WNK3: variants seen among roughly 807,000 people sequenced by gnomAD.
The protein encoded by WNK3 is WNK lysine deficient protein kinase 3.
In WNK3, 18 loss-of-function variants were observed where a neutral mutation model predicts 116.7. The observed-to-expected ratio is 0.15, with a 90% confidence interval of 0.11 to 0.23. The LOEUF is 0.23. Ranked by LOEUF, WNK3 falls within the 10% of genes least tolerant of loss-of-function variation. The pLI is 1.00. For missense variants in WNK3, 993 were observed against 1,323.8 expected (o/e 0.75, Z 3.88); for synonymous variants, 404 against 469.4 (o/e 0.86, Z 1.80).
intron 15 of WNK3, among the ~76,000 whole-genome samples, chrX:54,250,967 G>A (rs1472422241): frequency 1.8e-5 from 2 of 111,458 alleles, no homozygotes; most frequent in African/African-American, 3.3e-5. Context: ...AGTGACCAGC[G>A]CAAGTAGAAG....
chrX:54,264,016 C>T (rs1385915941), intron 10 of WNK3, among the ~76,000 whole-genome samples: 1 of 106,560 alleles, frequency 9.4e-6, no homozygotes, highest in Non-Finnish European at 1.9e-5. Flanking sequence ...CAGGCATGTG[C>T]CACCACACCT....
chrX:54,246,825 G>A (rs1203081618), intron 17 of WNK3, among the ~76,000 whole-genome samples: 1 of 111,942 alleles, frequency 8.9e-6, no homozygotes, highest in Admixed American at 9.6e-5. Context: ...ATTGGATAGT[G>A]CAGATACAGA....
chrX:54,342,296 G>A (rs1280536518), intron 1 of WNK3, among the ~76,000 whole-genome samples: 8 of 109,104 alleles, frequency 7.3e-5, no homozygotes, highest in Non-Finnish European at 1.5e-4. Flanking sequence ...GCTGGGCGTG[G>A]TGGTACATGC....
chrX:54,301,094 T>G (rs1206910659), intron 6 of WNK3, among the ~76,000 whole-genome samples: 3 of 108,138 alleles, frequency 2.8e-5, no homozygotes, highest in African/African-American at 1.0e-4. Context: ...AATACAAAAA[T>G]TAGCCAGGTG....
chrX:54,224,251 C>A (rs1461476587), intron 22 of WNK3, among the ~76,000 whole-genome samples: 1 of 108,630 alleles, frequency 9.2e-6, no homozygotes, highest in Non-Finnish European at 1.9e-5. Flanking sequence ...ACTAGGGAGG[C>A]TGAGGCAGGA....
At position 54,355,588 on chromosome X, in the gene WNK3, G is replaced by A. The variant is rs782135819; in HGVS notation, c.-120+2098C>T. On this transcript the variant is annotated intron_variant, in intron 1 of 23. Coordinates refer to ENST00000354646, the Ensembl canonical transcript of WNK3. ...GAATGAGTTCAAATTCTAGGGGAGG[G>A]GGAGAGAGAGCATTCCAGGTAGAGG... is the stretch of plus-strand genomic sequence containing the variant. 1.2e-4 allele frequency among the ~76,000 whole-genome samples: 13 copies of A among 109,701 alleles called. No individual in the cohort carries two copies. In the South Asian group the frequency reaches 4.1e-3, roughly 34 times the overall value.
intron 2 of WNK3, among the ~76,000 whole-genome samples, chrX:54,323,725 A>C (rs1557172744): frequency 9.0e-6 from 1 of 111,227 alleles, no homozygotes; most frequent in East Asian, 2.8e-4. Context: ...TCATCATTTC[A>C]CGAACTCCAA....
At chrX:54,284,788 C>T (rs1169465365) in intron 10 of WNK3, among the ~76,000 whole-genome samples, 1 of 110,386 alleles carries the variant, frequency 9.1e-6, no homozygotes, top group Non-Finnish European at 1.9e-5. Context: ...CTGACCAACA[C>T]GGAGAAACCC....
chrX:54,303,785 A>T (rs1006297049), intron 5 of WNK3, among the ~76,000 whole-genome samples: 10 of 111,805 alleles, frequency 8.9e-5, no homozygotes, highest in South Asian at 3.7e-4. Context: ...AAAAATTTTT[A>T]AAAATTGACC....
exon 3 of WNK3, chrX:54,311,215 T>C: frequency 8.3e-7 from 1 of 1,201,312 alleles, no homozygotes; most frequent in Non-Finnish European, 1.1e-6. Flanking sequence ...TCGAACTATA[T>C]TGGGGTGCTG....
At chrX:54,215,822 C>T (rs937536486) in intron 22 of WNK3, among the ~76,000 whole-genome samples, 4 of 111,226 alleles carry the variant, frequency 3.6e-5, no homozygotes, top group African/African-American at 6.5e-5. Flanking sequence ...ATGACGATGG[C>T]GGTTTTGTCG....
At chrX:54,251,818 C>T (rs1422583104) in intron 13 of WNK3, 131 bp from the exon 14 acceptor site, 1 of 579,864 alleles carries the variant, frequency 1.7e-6, no homozygotes, top group Non-Finnish European at 2.5e-6. Context: ...GTAATCCCAG[C>T]ACTTTGGGAG....
At chrX:54,313,085 ATTTTCAG>A (rs1372583551) in intron 2 of WNK3, among the ~76,000 whole-genome samples, 7 of 109,198 alleles carry the variant, frequency 6.4e-5, no homozygotes, top group Admixed American at 5.0e-4. Context: ...TTTCATTTTC[ATTTTCAG>A]TTTTCAGTTT....
chrX:54,325,971 G>T (rs1303320687), intron 2 of WNK3, among the ~76,000 whole-genome samples: 1 of 110,759 alleles, frequency 9.0e-6, no homozygotes, highest in South Asian at 3.7e-4. Context: ...TAGCACTTAC[G>T]ACTTATAGCC....
At chrX:54,293,735 C>G (rs1412421106) in intron 8 of WNK3, among the ~76,000 whole-genome samples, 1 of 112,007 alleles carries the variant, frequency 8.9e-6, no homozygotes, top group Non-Finnish European at 1.9e-5. Flanking sequence ...AATACTGTGT[C>G]CTTCTGGAAA....
chrX:54,341,862 T>A (rs892117404), intron 1 of WNK3, among the ~76,000 whole-genome samples: 1 of 111,705 alleles, frequency 9.0e-6, no homozygotes, highest in African/African-American at 3.2e-5. Context: ...TAAAATTGAG[T>A]TGTAATCAAG....
intron 1 of WNK3, among the ~76,000 whole-genome samples, chrX:54,343,291 G>C (rs782725397): frequency 9.0e-6 from 1 of 110,723 alleles, no homozygotes; most frequent in Non-Finnish European, 1.9e-5. Context: ...GGTGGATCAC[G>C]AGGTCAGGAG....
At chrX:54,256,674 T>C (rs1439075624) in intron 11 of WNK3, among the ~76,000 whole-genome samples, 3 of 112,462 alleles carry the variant, frequency 2.7e-5, no homozygotes, top group African/African-American at 6.4e-5. Flanking sequence ...TTTAAGCAAG[T>C]TATTTCTCCT....
intron 22 of WNK3, among the ~76,000 whole-genome samples, chrX:54,221,625 G>A (rs1399229195): frequency 9.0e-6 from 1 of 111,024 alleles, no homozygotes; most frequent in Non-Finnish European, 1.9e-5. Context: ...CTGAGGTTAG[G>A]AGTTTGAGAC....
Sources: allele counts gnomAD v4.1 joint callset (sites outside exome capture counted in the v4.1 genomes callset), GRCh38; gene constraint gnomAD v4.1.1; transcripts MANE v1.5; gene names NCBI Gene and HGNC (gene_info 2026-07-23, HGNC 2026-07-21).